The following REPS1 variants were observed in gnomAD, a reference collection of about 807,000 sequenced individuals.
REPS1 encodes RALBP1 associated Eps domain containing 1.
Under a neutral mutation model 100.9 loss-of-function variants are expected in REPS1, and 39 were observed. That is an observed-to-expected ratio of 0.39 (90% CI 0.30 to 0.50). The LOEUF (loss-of-function observed/expected upper bound fraction) is 0.50. REPS1 is among the 20% of genes least tolerant of loss of function. The probability of loss-of-function intolerance (pLI) is 0.86; values close to 1 mark genes in which losing one functional copy is unlikely to be tolerated. For missense variants in REPS1, 821 were observed against 968.5 expected (o/e 0.85, Z 2.02); for synonymous variants, 324 against 340.3 (o/e 0.95, Z 0.53).
intron 1 of REPS1, among the ~76,000 whole-genome samples, chr6:138,961,094 ACTTTAGCTCT>A (rs1357615467): frequency 1.3e-5 from 2 of 152,202 alleles, no homozygotes; most frequent in African/African-American, 4.8e-5. Context: ...AAAAGTAGTT[ACTTTAGCTCT>A]CAACACACAC....
intron 13 of REPS1, 142 bp downstream of exon 13, chr6:138,917,413 A>T (rs1780472820): frequency 3.2e-6 from 2 of 627,972 alleles, no homozygotes; most frequent in Admixed American, 6.0e-5. Flanking sequence ...AAAGGATCAA[A>T]ATTACTTGTC....
intron 8 of REPS1, among the ~76,000 whole-genome samples, chr6:138,935,856 C>CGGGG (rs1449985583): frequency 2.3e-3 from 5 of 2,194 alleles, no homozygotes; most frequent in Admixed American, 9.3e-3. Flanking sequence ...TCCATCTTGG[C>CGGGG]GGGGGGGGGG....
intron 1 of REPS1, among the ~76,000 whole-genome samples, chr6:138,959,419 A>C (rs1783598464): frequency 6.6e-6 from 1 of 152,196 alleles, no homozygotes; most frequent in Admixed American, 6.5e-5. Context: ...ACTATACACA[A>C]TACTGAGATA....
At position 138,906,309 on chromosome 6, in the gene REPS1, A is replaced by C. The variant is rs143783673; in HGVS notation, c.2323-1177T>G. On this transcript the variant is annotated intron_variant, in intron 19 of 19. Coordinates refer to ENST00000450536, the MANE Select transcript of REPS1 (RefSeq NM_001286611.2). ...TTTTGGGGATAGACACAAAGTGGCC[A>C]TAAGTTTATATCATTCATTCAACAG... is the stretch of plus-strand genomic sequence containing the variant. Among the ~76,000 whole-genome samples the C allele has an allele frequency of 3.3e-5, 5 of 152,250 alleles. No individual in the cohort carries two copies. In the East Asian group the frequency reaches 7.7e-4, roughly 23 times the overall value.
At chr6:138,949,088 C>T (rs190171392) in intron 1 of REPS1, among the ~76,000 whole-genome samples, 1 of 152,186 alleles carries the variant, frequency 6.6e-6, no homozygotes, top group African/African-American at 2.4e-5. Flanking sequence ...AGCCCCAATC[C>T]TCTACTCTTC....
Position 138,943,885 on chromosome 6 carries a change from G to C in REPS1, c.884C>G (p.Thr295Ser). 3 of 1,613,596 alleles carry C rather than the reference G, an allele frequency of 1.9e-6. No homozygotes were observed. Among genetic ancestry groups the C allele is most frequent in the Non-Finnish European group, 2.5e-6 (3 of 1,179,730 alleles). ...AAATCCGTTTAGATCAGGCTGAATG[G>C]TTTTAAACTGATTTACATAATACTG... Reference protein sequence around the residue: ...QRQYYVNQFKTIQPDLNGFIP... With the variant: ...QRQYYVNQFKSIQPDLNGFIP... The change falls in exon 6 of 20, where the codon ACC becomes AGC. Residue 295 changes from threonine (T) to serine (S), a missense_variant. Physicochemically the swap from Thr to Ser is moderately conservative, Grantham distance 58. Transcript: ENST00000450536.
chr6:138,915,717 G>A (rs1441548564), intron 14 of REPS1, 141 bp downstream of exon 14: 18 of 620,400 alleles, frequency 2.9e-5, no homozygotes, highest in Non-Finnish European at 4.1e-5. Context: ...AAAGTGCTGG[G>A]ATTACAGGCA....
intron 9 of REPS1, chr6:138,927,455 T>A (rs1781208016): frequency 6.6e-6 from 1 of 150,778 alleles, no homozygotes; most frequent in Non-Finnish European, 1.5e-5. Context: ...TTATCAGTTA[T>A]CCTCTAAAGA....
intron 8 of REPS1, chr6:138,934,309 A>G (rs1433269342): frequency 2.1e-6 from 1 of 471,012 alleles, no homozygotes; most frequent in Non-Finnish European, 4.4e-6. Flanking sequence ...TGCCCCTGAC[A>G]TCATCAGAGC....
intron 1 of REPS1, among the ~76,000 whole-genome samples, chr6:138,948,864 A>G (rs1356485110): frequency 1.3e-5 from 2 of 152,242 alleles, no homozygotes; most frequent in African/African-American, 4.8e-5. Context: ...TTAATGATTA[A>G]GCAATTGTAT....
chr6:138,959,051 T>C (rs898429827), intron 1 of REPS1, among the ~76,000 whole-genome samples: 4 of 152,212 alleles, frequency 2.6e-5, no homozygotes, highest in African/African-American at 9.6e-5. Flanking sequence ...ATAATAAAAA[T>C]GTATGCCTTT....
intron 1 of REPS1, among the ~76,000 whole-genome samples, chr6:138,971,480 A>G (rs1297675350): frequency 1.6e-4 from 25 of 152,114 alleles, no homozygotes; most frequent in Admixed American, 1.6e-3. Context: ...ATGAAAAAAA[A>G]AAGTATACGC....
At chr6:138,910,748 G>C (rs1267847017) in intron 17 of REPS1, among the ~76,000 whole-genome samples, 2 of 152,192 alleles carry the variant, frequency 1.3e-5, no homozygotes, top group African/African-American at 2.4e-5. Context: ...AGGATTGACA[G>C]ATGAACAGAT....
intron 8 of REPS1, among the ~76,000 whole-genome samples, chr6:138,931,765 T>TG (rs975208909): frequency 6.7e-6 from 1 of 148,244 alleles, no homozygotes; most frequent in Non-Finnish European, 1.5e-5. Flanking sequence ...TAGTTTTCAT[T>TG]GGGAAAAAAA....
chr6:138,907,274 G>A (rs1489511415), intron 19 of REPS1: 8 of 343,412 alleles, frequency 2.3e-5, no homozygotes, highest in African/African-American at 1.8e-4. Context: ...TTGCCAGGGT[G>A]ATAGAGCGAG....
chr6:138,914,500 G>A (rs2272431), intron 15 of REPS1, among the ~76,000 whole-genome samples, 197 bp downstream of exon 15: 11,124 of 152,138 alleles, frequency 0.073, 780 homozygotes, highest in East Asian at 0.21. Context: ...CACTTTTAAG[G>A]CTCTTTCAAA....
At chr6:138,957,451 G>A (rs1286104564) in intron 1 of REPS1, among the ~76,000 whole-genome samples, 2 of 152,172 alleles carry the variant, frequency 1.3e-5, no homozygotes, top group Non-Finnish European at 2.9e-5. Flanking sequence ...CAAGATCATG[G>A]AAAGAATGGA....
chr6:138,934,189 A>AT (rs1781658324), intron 8 of REPS1: 1 of 355,646 alleles, frequency 2.8e-6, no homozygotes, highest in Admixed American at 3.5e-5. Flanking sequence ...TTAAGACTGT[A>AT]TTTTTCCGGA....
At chr6:138,909,613 G>A (rs1005240702) in intron 17 of REPS1, among the ~76,000 whole-genome samples, 8 of 152,104 alleles carry the variant, frequency 5.3e-5, no homozygotes, top group Admixed American at 4.6e-4. Flanking sequence ...AGGTGACTGG[G>A]TCATGGGGGT....
Sources: gnomAD v4.1 joint callset for allele counts (sites outside exome capture counted in the v4.1 genomes callset) on GRCh38, gnomAD v4.1.1 for gene constraint, MANE v1.5 for transcripts, NCBI Gene and HGNC (gene_info 2026-07-23, HGNC 2026-07-21) for gene names.